EDN1: variants seen among roughly 807,000 people sequenced by gnomAD.
EDN1 encodes the protein endothelin-1.
In EDN1, 11 loss-of-function variants were observed where a neutral mutation model predicts 21.7. The observed-to-expected ratio is 0.51, with a 90% CI of 0.32 to 0.84. The LOEUF (loss-of-function observed/expected upper bound fraction) is 0.84, where lower values mean the gene tolerates loss of function less well. Among genes scored for constraint, EDN1 ranks in the 40% least tolerant of loss-of-function variants. The probability of loss-of-function intolerance (pLI) is 0.03; values close to 1 mark genes in which losing one functional copy is unlikely to be tolerated. For synonymous variants in EDN1, 85 were observed against 90.6 expected (o/e 0.94, Z 0.35); for missense variants, 244 against 262.3 (o/e 0.93, Z 0.48).
At chr6:12,257,557 A>G in the EDN1 span, among the ~76,000 whole-genome samples, 1 of 152,258 alleles carries the variant, frequency 6.6e-6, no homozygotes, top group East Asian at 1.9e-4. Flanking sequence ...AGTAAAGACA[A>G]TTACAATCAA....
At chr6:12,294,166 C>G in intron 3 of EDN1, 70 bp downstream of exon 3, 1 of 1,612,980 alleles carries the variant, frequency 6.2e-7, no homozygotes, top group Non-Finnish European at 8.5e-7. Context: ...CATGGTACTG[C>G]CTTCCTGTTT....
chr6:12,281,928 G>T, the EDN1 span, among the ~76,000 whole-genome samples: 1 of 151,910 alleles, frequency 6.6e-6, no homozygotes, highest in African/African-American at 2.4e-5. Context: ...TCAATGTAAA[G>T]AAATAAAGTG....
At chr6:12,289,152 T>C (rs929164927), upstream of EDN1, among the ~76,000 whole-genome samples, 10 of 152,200 alleles carry the variant, frequency 6.6e-5, no homozygotes, top group Non-Finnish European at 1.3e-4. Flanking sequence ...GATTTCAAGG[T>C]TAGATAGACA....
chr6:12,233,558 G>A, the EDN1 span, among the ~76,000 whole-genome samples: 1 of 152,092 alleles, frequency 6.6e-6, no homozygotes, highest in East Asian at 1.9e-4. Flanking sequence ...ACCTACCTAA[G>A]GCACTATGAT....
chr6:12,291,217 T>C (rs1345141889), intron 1 of EDN1, among the ~76,000 whole-genome samples: 394 of 91,942 alleles, frequency 4.3e-3, no homozygotes, highest in Middle Eastern at 0.022. Context: ...AACTACCGCC[T>C]CCCCCCCCCC....
chr6:12,258,326 A>G, the EDN1 span, among the ~76,000 whole-genome samples: 1 of 151,298 alleles, frequency 6.6e-6, no homozygotes, highest in East Asian at 1.9e-4. Flanking sequence ...GTACATGCCT[A>G]TAATCCCAGC....
chr6:12,238,844 G>T, the EDN1 span, among the ~76,000 whole-genome samples: 300 of 152,334 alleles, frequency 2.0e-3, 2 homozygotes, highest in Non-Finnish European at 3.8e-3. Context: ...CAGTGAAGAT[G>T]AATTAGAAAT....
At chr6:12,264,756 C>T in the EDN1 span, among the ~76,000 whole-genome samples, 1 of 152,114 alleles carries the variant, frequency 6.6e-6, no homozygotes, top group Non-Finnish European at 1.5e-5. Flanking sequence ...GAAGGCGTGG[C>T]ATGAAGATAT....
At chr6:12,264,382 A>G in the EDN1 span, among the ~76,000 whole-genome samples, 1 of 152,240 alleles carries the variant, frequency 6.6e-6, no homozygotes, top group Non-Finnish European at 1.5e-5. Context: ...GTTTCAGATA[A>G]TGGTTCTGAA....
chr6:12,250,480 A>AC, the EDN1 span, among the ~76,000 whole-genome samples: 3 of 152,148 alleles, frequency 2.0e-5, no homozygotes, highest in South Asian at 6.2e-4. Flanking sequence ...TCTTCTTATC[A>AC]CTATCAATGA....
At chr6:12,233,198 C>T in the EDN1 span, among the ~76,000 whole-genome samples, 1 of 152,218 alleles carries the variant, frequency 6.6e-6, no homozygotes, top group Non-Finnish European at 1.5e-5. Flanking sequence ...GTCTCCAAGC[C>T]TAGCCCTTCC....
upstream of EDN1, among the ~76,000 whole-genome samples, chr6:12,285,789 C>G (rs190265151): frequency 1.3e-5 from 2 of 152,056 alleles, no homozygotes; most frequent in Non-Finnish European, 2.9e-5. Context: ...AGGGTGGTCT[C>G]GAACTCCTGA....
the EDN1 span, among the ~76,000 whole-genome samples, chr6:12,282,905 A>T: frequency 8.6e-5 from 13 of 152,026 alleles, no homozygotes; most frequent in Non-Finnish European, 1.9e-4. Flanking sequence ...TAAAATCTGT[A>T]CTTAGGGAAA....
At chr6:12,238,259 G>A in the EDN1 span, among the ~76,000 whole-genome samples, 4 of 151,954 alleles carry the variant, frequency 2.6e-5, no homozygotes, top group South Asian at 2.1e-4. Context: ...TTTGGTTTTC[G>A]TGGGAGTTTG....
chr6:12,258,719 C>T, the EDN1 span, among the ~76,000 whole-genome samples: 1 of 152,124 alleles, frequency 6.6e-6, no homozygotes, highest in Admixed American at 6.5e-5. Context: ...CAGTTTAAAA[C>T]AAAGTGTCTT....
chr6:12,240,724 G>T, the EDN1 span, among the ~76,000 whole-genome samples: 1 of 152,126 alleles, frequency 6.6e-6, no homozygotes, highest in African/African-American at 2.4e-5. Flanking sequence ...TACATGGGTG[G>T]CCAAAGGGGA....
At chr6:12,277,873 G>A in the EDN1 span, among the ~76,000 whole-genome samples, 1 of 152,238 alleles carries the variant, frequency 6.6e-6, no homozygotes, top group African/African-American at 2.4e-5. Flanking sequence ...TTTGCTGGAA[G>A]CCTTGTGTTC....
At chr6:12,288,997 C>G (rs1395889082), upstream of EDN1, among the ~76,000 whole-genome samples, 1 of 152,108 alleles carries the variant, frequency 6.6e-6, no homozygotes, top group Admixed American at 6.5e-5. Context: ...TGGTGGAGAA[C>G]AAACAAAAAT....
chr6:12,254,305 C>A, the EDN1 span, among the ~76,000 whole-genome samples: 1 of 152,204 alleles, frequency 6.6e-6, no homozygotes, highest in Non-Finnish European at 1.5e-5. Context: ...CTTCTTCCGT[C>A]TCCCTTTGCC....
Sources: gnomAD v4.1 joint callset for allele counts (sites outside exome capture counted in the v4.1 genomes callset) on GRCh38, gnomAD v4.1.1 for gene constraint, MANE v1.5 for transcripts, NCBI Gene and HGNC (gene_info 2026-07-23, HGNC 2026-07-21) for gene names.